Variants in KALRN observed in about 807,000 individuals in gnomAD.
KALRN encodes kalirin RhoGEF kinase.
Under a neutral mutation model 353.7 loss-of-function variants are expected in KALRN, and 70 were observed. The ratio of observed to expected loss-of-function variants is 0.20; its 90% confidence interval spans 0.16 to 0.24. KALRN has a LOEUF of 0.24. Ranked by LOEUF, KALRN falls within the 10% of genes least tolerant of loss-of-function variation. KALRN has a pLI of 1.00. For missense variants in KALRN, 2,791 were observed against 3,756.7 expected (o/e 0.74, Z 6.72); for synonymous variants, 1,391 against 1,434.8 (o/e 0.97, Z 0.69).
intron 33 of KALRN, among the ~76,000 whole-genome samples, chr3:124,533,496 T>C (rs1250548765): frequency 6.6e-6 from 1 of 151,894 alleles, no homozygotes; most frequent in Non-Finnish European, 1.5e-5. Flanking sequence ...TACAAAAAAA[T>C]TAGCCTGGCA....
At position 124,272,789 on chromosome 3, in the gene KALRN, A is replaced by G. The variant is rs537469028; in HGVS notation, c.969+3534A>G. On this transcript the variant is annotated intron_variant, in intron 5 of 59. Coordinates refer to ENST00000682506, the MANE Select transcript of KALRN (RefSeq NM_001388419.1). ...AACAGTCCTTTTAAGTTGCTTTAAG[A>G]TTAATTTAAAATATCTGCGCGGAGC... Among the ~76,000 whole-genome samples the G allele has an allele frequency of 2.4e-4, 37 of 152,276 alleles. 1 individual carries two copies. The South Asian group carries it at 7.7e-3, about 32-fold the overall frequency.
intron 1 of KALRN, among the ~76,000 whole-genome samples, chr3:124,219,511 C>T (rs1256171761): frequency 6.6e-6 from 1 of 152,220 alleles, no homozygotes; most frequent in Non-Finnish European, 1.5e-5. Context: ...GTTGTTGTCT[C>T]AGGTTACAGG....
At chr3:124,101,782 A>C (rs1265338667) in intron 1 of KALRN, among the ~76,000 whole-genome samples, 1 of 152,078 alleles carries the variant, frequency 6.6e-6, no homozygotes. Context: ...AGCTATCTGC[A>C]CAGCTCTGGC....
In KALRN at chr3:124,723,046, G is replaced by GA. The variant is rs1296434458; in HGVS notation, c.*3583dup. ...CAGCTGAATGTGGTAAAATTTTTAA[G>GA]AAAAAAATGGTAATGTTGGAGATAT... On this transcript the variant is annotated 3_prime_UTR_variant, in exon 60 of 60. Coordinates refer to ENST00000682506, the MANE Select transcript of KALRN (RefSeq NM_001388419.1). The GA allele has an allele frequency of 6.6e-6, 1 of 152,006 alleles. No homozygotes were observed. Among genetic ancestry groups the GA allele is most frequent in the Non-Finnish European group, 1.5e-5 (1 of 67,966 alleles). 9.4% of individuals were successfully genotyped at this position (152,006 alleles called of 1,614,324 possible). A position where few individuals can be genotyped will look rare whatever the true frequency, so the allele number is the denominator to read the frequency against.
intron 1 of KALRN, among the ~76,000 whole-genome samples, chr3:124,165,980 CAG>C (rs1166191945): frequency 6.6e-6 from 1 of 152,132 alleles, no homozygotes; most frequent in Non-Finnish European, 1.5e-5. Context: ...GTCCTCATCT[CAG>C]GGCCTTTGCA....
intron 5 of KALRN, among the ~76,000 whole-genome samples, chr3:124,284,212 AG>A (rs1386525062): frequency 6.6e-6 from 1 of 152,154 alleles, no homozygotes; most frequent in Non-Finnish European, 1.5e-5. Context: ...GGAGGGTCTC[AG>A]TCTAGACACT....
intron 37 of KALRN, among the ~76,000 whole-genome samples, chr3:124,646,749 T>G (rs535019142): frequency 2.0e-5 from 3 of 151,784 alleles, no homozygotes; most frequent in African/African-American, 7.3e-5. Flanking sequence ...ATAAGAAATA[T>G]ATGCTTATTC....
In KALRN at chr3:124,473,525, C is replaced by G. The variant is rs568340421; in HGVS notation, c.4032-1138C>G. Among the ~76,000 whole-genome samples the G allele has an allele frequency of 2.6e-5, 4 of 152,274 alleles. No individual in the cohort carries two copies. The East Asian group carries it at 7.7e-4, about 29-fold the overall frequency. ...CTACTGAGACAAAAAGTTGCATGTTCTACATATTCTTCTGTACCTTTTTCC... is the reference window on the plus strand; with the variant it reads ...CTACTGAGACAAAAAGTTGCATGTTGTACATATTCTTCTGTACCTTTTTCC... On this transcript the variant is annotated intron_variant, in intron 25 of 59. Transcript: ENST00000682506.
intron 34 of KALRN, among the ~76,000 whole-genome samples, chr3:124,590,069 T>C (rs1382498531): frequency 1.3e-5 from 2 of 152,200 alleles, no homozygotes; most frequent in Admixed American, 6.5e-5. Flanking sequence ...ACCAGGGATA[T>C]ACTCAACCTG....
At chr3:124,632,076 G>A (rs997100266) in intron 34 of KALRN, among the ~76,000 whole-genome samples, 3 of 152,128 alleles carry the variant, frequency 2.0e-5, no homozygotes, top group Admixed American at 6.5e-5. Flanking sequence ...GTGTTTTGAT[G>A]TAGCACTTCT....
At chr3:124,373,485 G>A (rs923573243) in intron 10 of KALRN, among the ~76,000 whole-genome samples, 6 of 152,228 alleles carry the variant, frequency 3.9e-5, no homozygotes, top group Non-Finnish European at 7.3e-5. Flanking sequence ...TAAAACAGCA[G>A]AAATTTATCG....
Position 124,446,849 on chromosome 3 carries a change from G to A in KALRN, c.3516G>A (p.Leu1172=), listed in dbSNP as rs145035975. ...AGACCACAGAGGAGACTCAGGAACT[G>A]CTGAAAGAATATGGGGAATTCAGGG... ...TGETTEETQE[L]LKEYGEFRVP... The change falls in exon 21 of 60, where the codon CTG becomes CTA. Residue 1172 remains leucine (L), a synonymous_variant. Coordinates refer to ENST00000682506, the MANE Select transcript of KALRN (RefSeq NM_001388419.1). The A allele has an allele frequency of 4.7e-5, 76 of 1,614,062 alleles. No homozygotes were observed. In the African/African-American group the frequency reaches 8.9e-4, roughly 19 times the overall value.
chr3:124,329,877 A>G lies in KALRN; in HGVS notation c.1301A>G (p.Asp434Gly). ...QKAEQFLSGV[D>G]AWCKMCSEGG... Reference sequence around the variant, plus strand: ...TCCTTCCAGTTCCTGTCGGGAGTGGATGCCTGGTGCAAGATGTGCAGTGAA... The same window carrying G: ...TCCTTCCAGTTCCTGTCGGGAGTGGGTGCCTGGTGCAAGATGTGCAGTGAA... Residue 434 changes from aspartate (D) to glycine (G), a missense_variant, in exon 8 of 60, where the codon GAT (aspartate) becomes GGT (glycine). By Grantham distance (94) the Asp-to-Gly change is moderately conservative. This residue lies in a region of KALRN where 366 missense variants were observed against 489.2 expected (regional missense o/e 0.75). Transcript: ENST00000682506. The G allele has an allele frequency of 6.2e-7, 1 of 1,613,644 alleles. No homozygotes were observed. The highest frequency in any genetic ancestry group is 8.5e-7 in the Non-Finnish European group (1 of 1,179,804).
intron 37 of KALRN, 44 bp from the exon 38 acceptor site, chr3:124,650,764 T>C (rs1274435070): frequency 6.3e-7 from 1 of 1,584,096 alleles, no homozygotes; most frequent in Non-Finnish European, 8.6e-7. Flanking sequence ...TCCAAATGAC[T>C]TTTCAAAGTA....
At chr3:124,108,469 G>C (rs1357948095) in intron 1 of KALRN, among the ~76,000 whole-genome samples, 1 of 152,202 alleles carries the variant, frequency 6.6e-6, no homozygotes, top group African/African-American at 2.4e-5. Context: ...CATTCATTAA[G>C]TACTTCTAGC....
At chr3:124,546,279 C>A (rs550894549) in intron 33 of KALRN, among the ~76,000 whole-genome samples, 35 of 123,424 alleles carry the variant, frequency 2.8e-4, no homozygotes, top group Middle Eastern at 7.8e-3. Flanking sequence ...CATAGTGAGA[C>A]CCCCATCTCT....
chr3:124,323,930 C>T (rs376292324), intron 6 of KALRN, among the ~76,000 whole-genome samples: 3 of 152,112 alleles, frequency 2.0e-5, no homozygotes, highest in Non-Finnish European at 2.9e-5. Context: ...CTGCATTTAT[C>T]GGCGGTGATC....
intron 13 of KALRN, among the ~76,000 whole-genome samples, chr3:124,400,051 C>T (rs914209095): frequency 6.6e-6 from 1 of 152,116 alleles, no homozygotes; most frequent in African/African-American, 2.4e-5. Context: ...CCATTCCAAC[C>T]ATCTCTCTGG....
intron 1 of KALRN, among the ~76,000 whole-genome samples, chr3:124,142,694 T>G (rs2066779854): frequency 6.6e-6 from 1 of 152,036 alleles, no homozygotes. Context: ...CCTCGATGCT[T>G]GCTTATACCA....
Sources: gnomAD v4.1 joint callset for allele counts (sites outside exome capture counted in the v4.1 genomes callset) on GRCh38, gnomAD v4.1.1 for gene constraint, gnomAD v4.1.1 regional missense constraint, MANE v1.5 for transcripts, NCBI Gene and HGNC (gene_info 2026-07-23, HGNC 2026-07-21) for gene names.